The following NPSR1 variants were observed in gnomAD, a reference collection of about 807,000 sequenced individuals.
NPSR1 encodes the protein neuropeptide S receptor.
In NPSR1, 48 loss-of-function variants were observed where a neutral mutation model predicts 46.9. The ratio of observed to expected loss-of-function variants is 1.02; its 90% CI spans 0.81 to 1.30. The LOEUF (loss-of-function observed/expected upper bound fraction) is 1.30. Ranked by LOEUF, NPSR1 falls within the 50% of genes most tolerant of loss-of-function variation. The pLI is 0.00. For missense variants in NPSR1, 450 were observed against 449.5 expected, an observed-to-expected ratio of 1.00 and a Z score of -0.01; for synonymous variants, 176 against 168.1, an observed-to-expected ratio of 1.05 and a Z score of -0.36.
chr7:34,865,427 G>A (rs1270256728), intron 8 of NPSR1, among the ~76,000 whole-genome samples: 2 of 151,688 alleles, frequency 1.3e-5, no homozygotes, highest in Non-Finnish European at 2.9e-5. Flanking sequence ...AGGCTGAGCT[G>A]AGCATGCTCA....
intron 3 of NPSR1, 40 bp from the exon 4 acceptor site, chr7:34,811,730 C>T (rs751238663): frequency 1.4e-6 from 2 of 1,432,854 alleles, no homozygotes; most frequent in Non-Finnish European, 9.7e-7. Context: ...CTTCCCTCAC[C>T]TCTCTGAAGT....
At position 34,871,738 on chromosome 7, in the gene NPSR1, A is replaced by C. The variant is rs545573402; in HGVS notation, c.1026-6338A>C. Among the ~76,000 whole-genome samples, 2 of 152,098 alleles carry C rather than the reference A, an allele frequency of 1.3e-5. 1 individual carries two copies. The highest frequency in any genetic ancestry group is 4.8e-5 in the African/African-American group (2 of 41,322). On this transcript the variant is annotated intron_variant, in intron 8 of 8. Coordinates refer to the NPSR1 transcript ENST00000359791. ...CCAAGAAGGACAGTCATCACGTTTTAAAGCTCCAAAATAATCCCCTTAGAC... is the reference window on the plus strand; with the variant it reads ...CCAAGAAGGACAGTCATCACGTTTTCAAGCTCCAAAATAATCCCCTTAGAC...
At chr7:34,701,619 G>A (rs920396590) in intron 2 of NPSR1, among the ~76,000 whole-genome samples, 5 of 152,060 alleles carry the variant, frequency 3.3e-5, no homozygotes, top group South Asian at 2.1e-4. Context: ...CACAGCTATC[G>A]AACCTAGGAG....
chr7:34,700,568 A>C (rs780417211), intron 2 of NPSR1, among the ~76,000 whole-genome samples: 1 of 152,232 alleles, frequency 6.6e-6, no homozygotes, highest in African/African-American at 2.4e-5. Flanking sequence ...GATCAGGGAG[A>C]TACGACTTCA....
intron 2 of NPSR1, among the ~76,000 whole-genome samples, chr7:34,712,918 T>A (rs1224103656): frequency 6.6e-6 from 1 of 152,210 alleles, no homozygotes; most frequent in Non-Finnish European, 1.5e-5. Flanking sequence ...GTATATTAAT[T>A]CTCTCACTGG....
chr7:34,670,178 C>CT (rs1791976758), intron 1 of NPSR1, among the ~76,000 whole-genome samples: 1 of 152,078 alleles, frequency 6.6e-6, no homozygotes, highest in East Asian at 1.9e-4. Flanking sequence ...ACACAAACAA[C>CT]TATGGGGAAG....
At chr7:34,809,800 T>C (rs1034716722) in intron 3 of NPSR1, among the ~76,000 whole-genome samples, 2 of 152,140 alleles carry the variant, frequency 1.3e-5, no homozygotes, top group Non-Finnish European at 1.5e-5. Flanking sequence ...CACCCTCCTA[T>C]AGGCCCCAGT....
intron 4 of NPSR1, among the ~76,000 whole-genome samples, chr7:34,826,984 G>A (rs1417775015): frequency 6.6e-6 from 1 of 152,106 alleles, no homozygotes; most frequent in Admixed American, 6.6e-5. Flanking sequence ...GTGAAAAGAT[G>A]CCACGTGGAC....
intron 2 of NPSR1, among the ~76,000 whole-genome samples, chr7:34,689,113 C>T (rs1230063840): frequency 1.3e-5 from 2 of 152,164 alleles, no homozygotes; most frequent in South Asian, 2.1e-4. Context: ...CTTAGTCTAG[C>T]CCACCCATCT....
chr7:34,806,281 A>G (rs978551719), intron 3 of NPSR1, among the ~76,000 whole-genome samples: 3 of 152,100 alleles, frequency 2.0e-5, no homozygotes, highest in Non-Finnish European at 2.9e-5. Flanking sequence ...GGTTCCTCAA[A>G]AGCTGAATGG....
At chr7:34,790,004 T>C (rs947276352) in intron 3 of NPSR1, among the ~76,000 whole-genome samples, 6 of 152,006 alleles carry the variant, frequency 3.9e-5, no homozygotes, top group Non-Finnish European at 8.8e-5. Flanking sequence ...GTGAAAAAAG[T>C]GTTTACTTCC....
intron 4 of NPSR1, among the ~76,000 whole-genome samples, chr7:34,816,115 C>G (rs919711567): frequency 4.6e-5 from 7 of 151,088 alleles, no homozygotes; most frequent in African/African-American, 9.8e-5. Flanking sequence ...AAAAGACACA[C>G]ACTGGCAAAT....
intron 2 of NPSR1, among the ~76,000 whole-genome samples, chr7:34,712,307 C>T (rs34560206): frequency 0.017 from 2,576 of 152,278 alleles, 33 homozygotes; most frequent in Middle Eastern, 0.031. Context: ...GACTTTCCTG[C>T]CTTCTCCACT....
chr7:34,842,336 C>T (rs1457017221), intron 6 of NPSR1, among the ~76,000 whole-genome samples: 1 of 152,208 alleles, frequency 6.6e-6, no homozygotes, highest in African/African-American at 2.4e-5. Flanking sequence ...TCCTAGAAAT[C>T]AAGGTTTCTC....
At chr7:34,731,857 G>A (rs1784431850) in intron 2 of NPSR1, among the ~76,000 whole-genome samples, 1 of 152,102 alleles carries the variant, frequency 6.6e-6, no homozygotes, top group African/African-American at 2.4e-5. Context: ...ACACAAGACA[G>A]CATGGGCCAA....
At chr7:34,764,535 G>A (rs78363321) in intron 2 of NPSR1, among the ~76,000 whole-genome samples, 1,605 of 152,244 alleles carry the variant, frequency 0.011, 28 homozygotes, top group African/African-American at 0.037. Flanking sequence ...GAGACTATAC[G>A]CAAGTGTGCA....
chr7:34,856,476 T>A (rs1364717141), intron 8 of NPSR1, among the ~76,000 whole-genome samples: 1 of 151,770 alleles, frequency 6.6e-6, no homozygotes, highest in South Asian at 2.1e-4. Flanking sequence ...TTATTACTCC[T>A]ATGCACACGG....
chr7:34,717,914 C>T (rs1410307022), intron 2 of NPSR1, among the ~76,000 whole-genome samples: 3 of 152,166 alleles, frequency 2.0e-5, no homozygotes, highest in Non-Finnish European at 4.4e-5. Context: ...GATCTGGAAT[C>T]CCCTGAACCA....
At chr7:34,746,958 C>T (rs191570154) in intron 2 of NPSR1, among the ~76,000 whole-genome samples, 2 of 151,900 alleles carry the variant, frequency 1.3e-5, no homozygotes, top group African/African-American at 2.4e-5. Flanking sequence ...AACCCCGTGT[C>T]TATTAAAAAT....
Sources: allele counts gnomAD v4.1 joint callset (sites outside exome capture counted in the v4.1 genomes callset), GRCh38; gene constraint gnomAD v4.1.1; transcripts MANE v1.5; gene names NCBI Gene and HGNC (gene_info 2026-07-23, HGNC 2026-07-21).